Variants in DAB1 observed in about 807,000 individuals in gnomAD.
DAB1 encodes the protein disabled homolog 1.
Under a neutral mutation model 64.6 loss-of-function variants are expected in DAB1, and 15 were observed. The ratio of observed to expected loss-of-function variants is 0.23; its 90% CI spans 0.16 to 0.36. DAB1 has a LOEUF of 0.36. Ranked by LOEUF, DAB1 falls within the 10% of genes least tolerant of loss-of-function variation. The pLI, the probability that DAB1 is intolerant of heterozygous loss-of-function variation, is 1.00. For missense variants in DAB1, 596 were observed against 706.7 expected, an observed-to-expected ratio of 0.84 and a Z score of 1.78; for synonymous variants, 235 against 251.9, an observed-to-expected ratio of 0.93 and a Z score of 0.64.
At chr1:57,212,014 T>C (rs2100335517) in intron 2 of DAB1, among the ~76,000 whole-genome samples, 1 of 152,282 alleles carries the variant, frequency 6.6e-6, no homozygotes, top group African/African-American at 2.4e-5. Context: ...GCAATTTTGT[T>C]TTTACTGTGG....
chr1:57,215,682 C>G (rs924239516), intron 2 of DAB1, among the ~76,000 whole-genome samples: 2 of 152,218 alleles, frequency 1.3e-5, no homozygotes, highest in Admixed American at 6.5e-5. Flanking sequence ...AATGGAAACA[C>G]AGTGATCACT....
chr1:58,123,271 G>A (rs1203343913), intron 5 of DAB1, among the ~76,000 whole-genome samples: 2 of 152,144 alleles, frequency 1.3e-5, no homozygotes, highest in Non-Finnish European at 2.9e-5. Context: ...ATTAGGATGT[G>A]TCAAAACATT....
intron 3 of DAB1, among the ~76,000 whole-genome samples, chr1:58,345,922 T>C (rs76120786): frequency 0.028 from 4,198 of 152,162 alleles, 166 homozygotes; most frequent in East Asian, 0.18. Flanking sequence ...TCTATAGATT[T>C]TTTTCTGCTG....
intron 2 of DAB1, among the ~76,000 whole-genome samples, chr1:57,243,527 T>A (rs1279938101): frequency 6.6e-6 from 1 of 152,038 alleles, no homozygotes; most frequent in Admixed American, 6.6e-5. Context: ...GGAGAGTCAA[T>A]TATGCTCAAA....
Position 57,877,294 on chromosome 1 carries a change from G to T in DAB1, n.87+6705C>A, listed in dbSNP as rs979526555. 9.9e-5 allele frequency among the ~76,000 whole-genome samples: 15 copies of T among 152,056 alleles called. 1 individual carries two copies. The highest frequency in any genetic ancestry group is 9.8e-4 in the Admixed American group (15 of 15,260). ...TGAAAGCCAACTAAAGTTAAGATTTGTACCCTCTGTCCCAGCTAAGGAAAT... is the reference window on the plus strand; with the variant it reads ...TGAAAGCCAACTAAAGTTAAGATTTTTACCCTCTGTCCCAGCTAAGGAAAT... On this transcript the variant is annotated intron_variant and non_coding_transcript_variant, in intron 1 of 1. Transcript: ENST00000477280.
intron 7 of DAB1, among the ~76,000 whole-genome samples, chr1:57,572,508 T>C (rs1355485612): frequency 5.3e-5 from 8 of 152,204 alleles, no homozygotes; most frequent in African/African-American, 1.9e-4. Flanking sequence ...TTACAGCTTC[T>C]CTGTGCCTCA....
chr1:57,151,119 CA>C (rs1320115768), intron 2 of DAB1, among the ~76,000 whole-genome samples: 1 of 152,162 alleles, frequency 6.6e-6, no homozygotes, highest in Non-Finnish European at 1.5e-5. Flanking sequence ...ACTCAAAGGG[CA>C]GACAAATCAT....
intron 1 of DAB1, among the ~76,000 whole-genome samples, chr1:57,382,885 TA>T (rs1681496422): frequency 6.6e-6 from 1 of 152,096 alleles, no homozygotes; most frequent in Admixed American, 6.5e-5. Context: ...GGGGGCCAAT[TA>T]TTCTGTCTAC....
intron 7 of DAB1, among the ~76,000 whole-genome samples, chr1:57,579,580 G>T (rs573936737): frequency 6.6e-6 from 1 of 152,202 alleles, no homozygotes; most frequent in East Asian, 1.9e-4. Flanking sequence ...CAGACTCGTG[G>T]GTTTGAAGGA....
chr1:57,189,485 G>T (rs1663922374), intron 2 of DAB1, among the ~76,000 whole-genome samples: 1 of 152,154 alleles, frequency 6.6e-6, no homozygotes, highest in Non-Finnish European at 1.5e-5. Flanking sequence ...GAGACAGAGA[G>T]TTATTTGTAG....
At chr1:57,096,450 C>T (rs998226365) in intron 4 of DAB1, among the ~76,000 whole-genome samples, 2 of 152,166 alleles carry the variant, frequency 1.3e-5, no homozygotes, top group Non-Finnish European at 2.9e-5. Flanking sequence ...TTAAATTCAG[C>T]AAAAGAAATA....
Position 57,725,636 on chromosome 1 carries a change from A to G in DAB1, n.552-75971T>C, listed in dbSNP as rs548568813. Among the ~76,000 whole-genome samples the G allele has an allele frequency of 2.9e-4, 44 of 152,352 alleles. 2 individuals are homozygous for G. The South Asian group carries it at 9.1e-3, about 32-fold the overall frequency. ...TTGTATCAGATAAGGAAAGAGAAGC[A>G]TTTAGTTCAGGGCCTAGCACTTGGT... On this transcript the variant is annotated intron_variant and non_coding_transcript_variant, in intron 6 of 20. Coordinates refer to the DAB1 transcript ENST00000485760.
intron 7 of DAB1, among the ~76,000 whole-genome samples, chr1:57,433,514 T>A (rs1158735920): frequency 6.6e-6 from 1 of 152,132 alleles, no homozygotes; most frequent in East Asian, 1.9e-4. Flanking sequence ...CTTCCTCATA[T>A]GTATATAGAA....
intron 2 of DAB1, among the ~76,000 whole-genome samples, chr1:57,214,926 A>AAAAAAAAAAAG (rs1557954175): frequency 6.6e-6 from 1 of 150,558 alleles, no homozygotes; most frequent in Non-Finnish European, 1.5e-5. Context: ...AAAAAAAAAA[A>AAAAAAAAAAAG]AAAAGAAAGA....
At chr1:58,307,133 C>G (rs151327459) in intron 4 of DAB1, among the ~76,000 whole-genome samples, 6 of 152,272 alleles carry the variant, frequency 3.9e-5, no homozygotes, top group African/African-American at 1.4e-4. Flanking sequence ...TTTATTGACT[C>G]CCTATTAGGC....
intron 5 of DAB1, among the ~76,000 whole-genome samples, chr1:58,036,269 A>G (rs1647044019): frequency 6.6e-6 from 1 of 152,240 alleles, no homozygotes; most frequent in Non-Finnish European, 1.5e-5. Context: ...CCTCCTTTAC[A>G]GAAGATGAAA....
intron 4 of DAB1, among the ~76,000 whole-genome samples, chr1:58,232,836 C>T (rs1557706754): frequency 6.6e-6 from 1 of 152,184 alleles, no homozygotes; most frequent in Non-Finnish European, 1.5e-5. Flanking sequence ...GAGCAACCAT[C>T]CCTGACCATT....
intron 1 of DAB1, among the ~76,000 whole-genome samples, chr1:58,534,689 C>T (rs1646489369): frequency 6.6e-6 from 1 of 152,200 alleles, no homozygotes; most frequent in South Asian, 2.1e-4. Flanking sequence ...AATCCCAGAA[C>T]TAGGGGAGGC....
chr1:57,752,110 C>T (rs765912023), intron 6 of DAB1, among the ~76,000 whole-genome samples: 7 of 152,168 alleles, frequency 4.6e-5, no homozygotes, highest in Non-Finnish European at 1.5e-5. Context: ...AGAGTTCAGG[C>T]GCGGATTCAA....
Sources: gnomAD v4.1 joint callset for allele counts (sites outside exome capture counted in the v4.1 genomes callset) on GRCh38, gnomAD v4.1.1 for gene constraint, MANE v1.5 for transcripts, NCBI Gene and HGNC (gene_info 2026-07-23, HGNC 2026-07-21) for gene names.